Variants in ABCC11 observed in about 807,000 individuals in gnomAD.
ABCC11 encodes ATP binding cassette subfamily C member 11.
ABCC11 carries 135 observed loss-of-function variants against 149.3 expected under a neutral mutation model. The observed-to-expected ratio is 0.90, with a 90% CI of 0.79 to 1.04. The LOEUF (loss-of-function observed/expected upper bound fraction) is 1.04, where lower values mean the gene tolerates loss of function less well. Among genes scored for constraint, ABCC11 ranks in the 50% least tolerant of loss-of-function variants. ABCC11 has a pLI of 0.00. For missense variants in ABCC11, 1,680 were observed against 1,722.1 expected, an observed-to-expected ratio of 0.98 and a Z score of 0.43; for synonymous variants, 665 against 671.4, an observed-to-expected ratio of 0.99 and a Z score of 0.15.
intron 6 of ABCC11, among the ~76,000 whole-genome samples, chr16:48,221,169 G>C (rs1969710100): frequency 6.6e-6 from 1 of 152,140 alleles, no homozygotes; most frequent in African/African-American, 2.4e-5. Context: ...GGCTAGAGGA[G>C]AGGACACAGG....
At chr16:48,244,604 C>T (rs1292080223) in intron 1 of ABCC11, 3 of 1,480,054 alleles carry the variant, frequency 2.0e-6, no homozygotes, top group African/African-American at 1.5e-5. Context: ...ACGCGCAGGA[C>T]CTGCCGCCGC....
At chr16:48,170,834 GC>G (rs1965670742) in intron 27 of ABCC11, 54 bp downstream of exon 27, 26 of 1,497,964 alleles carry the variant, frequency 1.7e-5, no homozygotes, top group Admixed American at 1.2e-4. Flanking sequence ...CAAAGGGGCA[GC>G]CCCCCATGGG....
chr16:48,224,184 A>G (rs1003126444), intron 5 of ABCC11, 98 bp downstream of exon 5: 7 of 1,426,460 alleles, frequency 4.9e-6, no homozygotes, highest in East Asian at 2.3e-5. Context: ...AGACAAATGC[A>G]TCTCTAACTC....
At chr16:48,246,540 T>A (rs759830480) in intron 1 of ABCC11, among the ~76,000 whole-genome samples, 7 of 152,212 alleles carry the variant, frequency 4.6e-5, no homozygotes, top group Non-Finnish European at 8.8e-5. Context: ...GGTATTATTC[T>A]GGCAAGATTT....
Position 48,213,471 on chromosome 16 carries a change from T to A in ABCC11, c.1328A>T (p.Asn443Ile), listed in dbSNP as rs765043569. The A allele has an allele frequency of 6.2e-7, 1 of 1,612,550 alleles. No homozygotes were observed. Among genetic ancestry groups the A allele is most frequent in the Non-Finnish European group, 8.5e-7 (1 of 1,179,276 alleles). ...FVPIAVKGLT[N>I]SKSAVMRFKK... ...GAACCTCATCACTGCAGACTTGGAA[T>A]TCGTGAGACCTTTGACTGCAATAGG... Residue 443 changes from asparagine to isoleucine, a missense_variant, in exon 10 of 30, where the codon AAT becomes ATT. Transcript: ENST00000356608.
In ABCC11 at chr16:48,200,312, CCT is replaced by C. The variant is rs1967841056; in HGVS notation, c.2044_2045del (p.Arg682GlyfsTer30). The C allele has an allele frequency of 1.9e-6, 3 of 1,614,172 alleles. No homozygotes were observed. The highest frequency in any genetic ancestry group is 2.5e-6 in the Non-Finnish European group (3 of 1,179,996). On this transcript the variant is annotated frameshift_variant, in exon 15 of 30. Coordinates refer to ENST00000356608, the MANE Select transcript of ABCC11 (RefSeq NM_001370497.1). LOFTEE classifies it high-confidence loss of function. ...IFEECIKKTL[R>X]GKTVVLVTHQ... is the part of the protein sequence containing the mutation. ...GGGTCACCAGGACGACCGTCTTCCC[CCT>C]GAGTGTCTTCTTAATGCACTCCTCA...
intron 3 of ABCC11, among the ~76,000 whole-genome samples, chr16:48,229,260 C>T (rs114986641): frequency 0.015 from 2,267 of 151,494 alleles, 68 homozygotes; most frequent in African/African-American, 0.053. Flanking sequence ...ATGAGGTTAC[C>T]CAGGTGAATG....
At chr16:48,173,051 T>C (rs937020530) in intron 26 of ABCC11, among the ~76,000 whole-genome samples, 2 of 152,220 alleles carry the variant, frequency 1.3e-5, no homozygotes, top group African/African-American at 2.4e-5. Flanking sequence ...TTGCATGACA[T>C]TTGATATCTC....
chr16:48,203,324 G>T, intron 13 of ABCC11, 24 bp from the exon 14 acceptor site: 1 of 1,556,880 alleles, frequency 6.4e-7, no homozygotes, highest in Non-Finnish European at 8.7e-7. Flanking sequence ...GGAGCCATAA[G>T]GCACAGGGGA....
chr16:48,186,282 C>T (rs1465988521), intron 22 of ABCC11, among the ~76,000 whole-genome samples: 4 of 152,170 alleles, frequency 2.6e-5, no homozygotes, highest in African/African-American at 9.7e-5. Context: ...TTATCTGATT[C>T]CCCCAGGCCA....
intron 20 of ABCC11, among the ~76,000 whole-genome samples, chr16:48,191,176 T>G (rs1476586294): frequency 6.6e-6 from 1 of 152,226 alleles, no homozygotes; most frequent in Non-Finnish European, 1.5e-5. Context: ...TAATAGTAAT[T>G]AATAATGTAC....
At chr16:48,230,117 C>T (rs1272579767) in intron 3 of ABCC11, among the ~76,000 whole-genome samples, 1 of 152,198 alleles carries the variant, frequency 6.6e-6, no homozygotes, top group East Asian at 1.9e-4. Flanking sequence ...ATGTCATGCA[C>T]AAGTTTATTT....
At chr16:48,241,522 T>C (rs932665045) in intron 1 of ABCC11, among the ~76,000 whole-genome samples, 12 of 152,208 alleles carry the variant, frequency 7.9e-5, no homozygotes, top group East Asian at 1.9e-4. Flanking sequence ...AATGACTTTC[T>C]TCACAGAATT....
intron 6 of ABCC11, among the ~76,000 whole-genome samples, chr16:48,219,932 G>A (rs9927515): frequency 2.0e-5 from 3 of 152,096 alleles, no homozygotes; most frequent in African/African-American, 7.2e-5. Context: ...AGTGAGCCAA[G>A]GTTGCACTAT....
At chr16:48,218,711 A>C (rs2150885427) in intron 6 of ABCC11, among the ~76,000 whole-genome samples, 2 of 151,462 alleles carry the variant, frequency 1.3e-5, no homozygotes, top group East Asian at 3.9e-4. Context: ...ATATGGGGGG[A>C]GTTTCCCTAC....
chr16:48,169,966 T>TTGTTGCTGTTGTTGTTGTTGTTGC (rs374129871), intron 28 of ABCC11, 139 bp downstream of exon 28: 8 of 621,232 alleles, frequency 1.3e-5, no homozygotes, highest in African/African-American at 1.1e-4. Flanking sequence ...GCTGTTGTTG[T>TTGTTGCTGTTGTTGTTGTTGTTGC]TGTTGTTGTT....
chr16:48,220,790 G>T (rs1969683425), intron 6 of ABCC11, among the ~76,000 whole-genome samples: 2 of 152,154 alleles, frequency 1.3e-5, no homozygotes, highest in Admixed American at 6.5e-5. Flanking sequence ...CTACTTGATG[G>T]CAATGAATAA....
In ABCC11 at chr16:48,170,910, C is replaced by T. The variant is rs781517715; in HGVS notation, c.3756G>A (p.Glu1252=). ...HTDQQIWDAL[E]RTFLTKAISK... ...TTACGGCCTTGGTCAGGAATGTCCTCTCCAAGGCATCCCAGATCTGCTGGT... is the reference window on the plus strand; with the variant it reads ...TTACGGCCTTGGTCAGGAATGTCCTTTCCAAGGCATCCCAGATCTGCTGGT... The change falls in exon 27 of 30, where the codon GAG becomes GAA. Residue 1252 remains glutamate (E), a synonymous_variant. Coordinates refer to ENST00000356608, the MANE Select transcript of ABCC11 (RefSeq NM_001370497.1). 1 of 1,614,002 alleles carries T rather than the reference C, an allele frequency of 6.2e-7. No individual in the cohort carries two copies. Among genetic ancestry groups the T allele is most frequent in the Non-Finnish European group, 8.5e-7 (1 of 1,179,858 alleles).
At position 48,184,538 on chromosome 16, in the gene ABCC11, T is replaced by C; in HGVS notation, c.3160A>G (p.Thr1054Ala). The C allele has an allele frequency of 6.2e-7, 1 of 1,614,210 alleles. No individual in the cohort carries two copies. Among genetic ancestry groups the C allele is most frequent in the Non-Finnish European group, 8.5e-7 (1 of 1,180,026 alleles). ...RWMALRLEIM[T>A]NLVTLAVALF... ...GCAACAGCCAAGGTCACAAGGTTGG[T>C]CATGATCTCCAGCCTCAATGCCATC... is the stretch of plus-strand genomic sequence containing the variant. The change falls in exon 23 of 30, where the codon ACC becomes GCC. Residue 1054 changes from threonine (T) to alanine (A), a missense_variant. Transcript: ENST00000356608.
Sources: gnomAD v4.1 joint callset for allele counts (sites outside exome capture counted in the v4.1 genomes callset) on GRCh38, gnomAD v4.1.1 for gene constraint, MANE v1.5 for transcripts, NCBI Gene and HGNC (gene_info 2026-07-23, HGNC 2026-07-21) for gene names.